The following SEPTIN7 variants were observed in gnomAD, a reference collection of about 807,000 sequenced individuals.
The protein encoded by SEPTIN7 is septin 7, also known as septin-7.
SEPTIN7 carries 10 observed loss-of-function variants against 63.3 expected under a neutral mutation model. The ratio of observed to expected loss-of-function variants is 0.16; its 90% CI spans 0.10 to 0.27. The LOEUF is 0.27. SEPTIN7 is among the 10% of genes least tolerant of loss of function. The pLI is 1.00. For missense variants in SEPTIN7, 310 were observed against 521.0 expected (o/e 0.59, Z 3.94); for synonymous variants, 131 against 165.3 (o/e 0.79, Z 1.59).
rs755118727 is a variant in SEPTIN7, at chr7:35,885,795, A to G, written c.821-33A>G. 51 of 1,544,740 alleles carry G rather than the reference A, an allele frequency of 3.3e-5. No individual in the cohort carries two copies. The South Asian group carries it at 4.8e-4, about 15-fold the overall frequency. ...TTTGAAAAGACTAGGTTTAGTGGAA[A>G]TATAACATATGCGGTCTGCTTTTTT... is the stretch of plus-strand genomic sequence containing the variant. On this transcript the variant is annotated intron_variant, in intron 9 of 13. Transcript: ENST00000350320.
At chr7:35,818,626 T>C (rs1562742603) in intron 1 of SEPTIN7, among the ~76,000 whole-genome samples, 1 of 152,000 alleles carries the variant, frequency 6.6e-6, no homozygotes, top group African/African-American at 2.4e-5. Context: ...GGTGTGTGTG[T>C]GTTAGTTATT....
intron 1 of SEPTIN7, among the ~76,000 whole-genome samples, chr7:35,819,171 T>C (rs1486878011): frequency 6.6e-6 from 1 of 152,122 alleles, no homozygotes; most frequent in Non-Finnish European, 1.5e-5. Context: ...CATCTCAAAG[T>C]ATTTTCCAGT....
intron 4 of SEPTIN7, among the ~76,000 whole-genome samples, chr7:35,870,804 AAC>A (rs1786095916): frequency 6.7e-6 from 1 of 149,656 alleles, no homozygotes; most frequent in Non-Finnish European, 1.5e-5. Flanking sequence ...CAGCCTGAGC[AAC>A]AGAGTGAGAC....
chr7:35,892,142 T>C (rs1787687068), intron 11 of SEPTIN7, among the ~76,000 whole-genome samples: 1 of 152,226 alleles, frequency 6.6e-6, no homozygotes, highest in African/African-American at 2.4e-5. Context: ...AGCTAGGTGT[T>C]ATCTACAATT....
At chr7:35,867,397 T>C (rs755092443) in intron 4 of SEPTIN7, among the ~76,000 whole-genome samples, 4 of 152,248 alleles carry the variant, frequency 2.6e-5, no homozygotes, top group Non-Finnish European at 4.4e-5. Flanking sequence ...TTCACCCAGC[T>C]GGAGTATAGT....
intron 1 of SEPTIN7, among the ~76,000 whole-genome samples, chr7:35,811,127 A>G (rs946343936): frequency 6.6e-5 from 10 of 152,186 alleles, no homozygotes; most frequent in African/African-American, 1.4e-4. Flanking sequence ...TAGAGAATAC[A>G]GTAAATATTT....
intron 6 of SEPTIN7, among the ~76,000 whole-genome samples, chr7:35,877,824 C>T (rs1786565281): frequency 2.0e-5 from 3 of 152,134 alleles, no homozygotes; most frequent in Admixed American, 6.6e-5. Flanking sequence ...ATAAGGCCCT[C>T]GCTGTAGAGG....
intron 3 of SEPTIN7, among the ~76,000 whole-genome samples, chr7:35,855,563 T>C (rs1316135447): frequency 2.0e-5 from 3 of 152,232 alleles, no homozygotes; most frequent in Non-Finnish European, 4.4e-5. Flanking sequence ...CCAAATACTT[T>C]AGTCAGATCT....
intron 4 of SEPTIN7, among the ~76,000 whole-genome samples, chr7:35,864,241 C>G (rs943522492): frequency 6.6e-6 from 1 of 152,032 alleles, no homozygotes; most frequent in African/African-American, 2.4e-5. Flanking sequence ...TATATGTGAT[C>G]TGATTTACTA....
At chr7:35,903,802 A>G (rs1788465279) in intron 13 of SEPTIN7, among the ~76,000 whole-genome samples, 1 of 152,176 alleles carries the variant, frequency 6.6e-6, no homozygotes, top group African/African-American at 2.4e-5. Context: ...CTCATTACTA[A>G]ACATTTTCAG....
intron 1 of SEPTIN7, among the ~76,000 whole-genome samples, chr7:35,808,452 A>C (rs1405690187): frequency 6.6e-6 from 1 of 152,188 alleles, no homozygotes; most frequent in Non-Finnish European, 1.5e-5. Context: ...ACAGCTGCAT[A>C]ACCGTTACAT....
chr7:35,891,832 A>C (rs1266346306), intron 11 of SEPTIN7, among the ~76,000 whole-genome samples: 1 of 152,232 alleles, frequency 6.6e-6, no homozygotes, highest in African/African-American at 2.4e-5. Context: ...AGTAACACTT[A>C]GCTTAAAACA....
chr7:35,844,443 T>G (rs1024968061), intron 3 of SEPTIN7, among the ~76,000 whole-genome samples: 13 of 150,860 alleles, frequency 8.6e-5, no homozygotes, highest in African/African-American at 3.1e-4. Context: ...CCTTCTGTAT[T>G]TAACTTTATA....
Position 35,896,660 on chromosome 7 carries a change from TC to T in SEPTIN7, c.999-1587del, listed in dbSNP as rs372896902. Among the ~76,000 whole-genome samples the T allele has an allele frequency of 4.3e-3, 649 of 152,348 alleles. 5 individuals are homozygous for T. The highest frequency in any genetic ancestry group is 9.7e-3 in the South Asian group (47 of 4,830). On this transcript the variant is annotated intron_variant, in intron 11 of 13. Transcript: ENST00000350320. ...TGATATTTACACTTGAAAATGTTTT[TC>T]AGCTGACTCCACTTTTAAAATGCAG...
intron 3 of SEPTIN7, among the ~76,000 whole-genome samples, chr7:35,833,234 C>A (rs1385169565): frequency 6.6e-6 from 1 of 151,910 alleles, no homozygotes; most frequent in Non-Finnish European, 1.5e-5. Context: ...TGTTTTCTGG[C>A]TTATATGCTA....
intron 1 of SEPTIN7, among the ~76,000 whole-genome samples, chr7:35,821,429 C>G (rs781142330): frequency 2.0e-5 from 3 of 152,128 alleles, no homozygotes; most frequent in Non-Finnish European, 2.9e-5. Flanking sequence ...GCATATTTTT[C>G]TAAAACCTTA....
chr7:35,870,200 G>C (rs1786060817), intron 4 of SEPTIN7, among the ~76,000 whole-genome samples: 1 of 152,142 alleles, frequency 6.6e-6, no homozygotes, highest in African/African-American at 2.4e-5. Flanking sequence ...AAGAAAAGAA[G>C]CTTTATAAAC....
At chr7:35,818,304 T>G (rs760898896) in intron 1 of SEPTIN7, among the ~76,000 whole-genome samples, 3 of 152,118 alleles carry the variant, frequency 2.0e-5, no homozygotes, top group Non-Finnish European at 2.9e-5. Context: ...AAAACCAACA[T>G]ATTCATTCTG....
rs1785623319 is a variant in SEPTIN7, at chr7:35,863,447, C to G, written c.170-105C>G. On this transcript the variant is annotated intron_variant, in intron 3 of 13. Coordinates refer to ENST00000350320, the MANE Select transcript of SEPTIN7 (RefSeq NM_001788.6). ...TTTCTAATGTCATTTCATTGTCTCA[C>G]CAAGAAGTACTTGCATAAGGCAAGT... 3 of 621,334 alleles carry G rather than the reference C, an allele frequency of 4.8e-6. No individual in the cohort carries two copies. The East Asian group carries it at 8.5e-5, about 18-fold the overall frequency. The allele number at this position is 621,334 out of a possible 1,614,324, so 38.5% of individuals were successfully genotyped here. A position where few individuals can be genotyped will look rare whatever the true frequency, so the allele number is the denominator to read the frequency against.
Sources: allele counts gnomAD v4.1 joint callset (sites outside exome capture counted in the v4.1 genomes callset), GRCh38; gene constraint gnomAD v4.1.1; transcripts MANE v1.5; gene names NCBI Gene and HGNC (gene_info 2026-07-23, HGNC 2026-07-21).